Variants in COL25A1 observed in about 807,000 individuals in gnomAD.
COL25A1 encodes collagen alpha-1(XXV) chain.
COL25A1 carries 103 observed loss-of-function variants against 128.4 expected under a neutral mutation model. The ratio of observed to expected loss-of-function variants is 0.80; its 90% CI spans 0.68 to 0.94. COL25A1 has a LOEUF of 0.94. COL25A1 is among the 40% of genes least tolerant of loss of function. The pLI, the probability that COL25A1 is intolerant of heterozygous loss-of-function variation, is 0.00. For synonymous variants in COL25A1, 279 were observed against 277.2 expected (o/e 1.01, Z -0.06); for missense variants, 745 against 840.0 (o/e 0.89, Z 1.40).
intron 24 of COL25A1, among the ~76,000 whole-genome samples, chr4:108,859,033 G>GTGAT (rs1213488729): frequency 1.3e-5 from 2 of 152,028 alleles, no homozygotes; most frequent in African/African-American, 4.8e-5. Context: ...GGAAGCAAAG[G>GTGAT]TGATAGAAAC....
chr4:108,892,985 C>G (rs561702677), intron 16 of COL25A1, among the ~76,000 whole-genome samples: 271 of 152,222 alleles, frequency 1.8e-3, no homozygotes, highest in African/African-American at 6.3e-3. Flanking sequence ...TTAGGGAAGG[C>G]CCGGCACCAA....
intron 3 of COL25A1, among the ~76,000 whole-genome samples, chr4:109,107,423 G>C (rs1479398017): frequency 6.6e-6 from 1 of 152,086 alleles, no homozygotes; most frequent in Non-Finnish European, 1.5e-5. Context: ...TAACAATTTA[G>C]GAGTAATATG....
At chr4:109,259,329 T>C (rs1402353120) in intron 3 of COL25A1, among the ~76,000 whole-genome samples, 1 of 152,228 alleles carries the variant, frequency 6.6e-6, no homozygotes, top group Non-Finnish European at 1.5e-5. Flanking sequence ...TTTTCAACTT[T>C]AAAAGAATCA....
chr4:109,108,757 G>A (rs1266308235), intron 3 of COL25A1, among the ~76,000 whole-genome samples: 2 of 142,430 alleles, frequency 1.4e-5, no homozygotes, highest in African/African-American at 5.5e-5. Context: ...TACTCATTAT[G>A]GTTTTTTATT....
At chr4:108,943,903 C>T (rs1553976965) in intron 8 of COL25A1, among the ~76,000 whole-genome samples, 1 of 151,270 alleles carries the variant, frequency 6.6e-6, no homozygotes, top group Non-Finnish European at 1.5e-5. Flanking sequence ...CCTAGGCTCT[C>T]CCTCTTCCCA....
intron 5 of COL25A1, among the ~76,000 whole-genome samples, chr4:109,028,940 G>A (rs560617268): frequency 3.3e-5 from 5 of 152,012 alleles, no homozygotes; most frequent in African/African-American, 1.2e-4. Flanking sequence ...TCATAATAAA[G>A]GTAACCAGTG....
At chr4:109,059,517 A>G (rs1337004464) in intron 3 of COL25A1, among the ~76,000 whole-genome samples, 2 of 152,230 alleles carry the variant, frequency 1.3e-5, no homozygotes, top group Non-Finnish European at 2.9e-5. Context: ...CTTTGTTTAT[A>G]GGCTTATTTT....
intron 5 of COL25A1, among the ~76,000 whole-genome samples, chr4:109,014,168 G>A (rs556216638): frequency 2.4e-4 from 36 of 152,226 alleles, no homozygotes; most frequent in Admixed American, 8.5e-4. Context: ...TTAGCTGGGC[G>A]TGGTGGCACG....
intron 19 of COL25A1, among the ~76,000 whole-genome samples, chr4:108,873,562 C>T (rs4989260): frequency 0.53 from 77,785 of 145,892 alleles, 21,968 homozygotes; most frequent in East Asian, 0.99. Context: ...GTAGTAGTAG[C>T]AGCAGTAGCA....
At chr4:108,825,098 T>G (rs1578458989) in intron 34 of COL25A1, 98 bp downstream of exon 34, 1 of 933,412 alleles carries the variant, frequency 1.1e-6, no homozygotes, top group East Asian at 2.4e-5. Context: ...TGCATACCTA[T>G]ATGCACAGAA....
chr4:109,227,036 C>A (rs1002030483), intron 3 of COL25A1, among the ~76,000 whole-genome samples: 1 of 152,098 alleles, frequency 6.6e-6, no homozygotes. Context: ...TGATGAATAA[C>A]CTAAGTCTTT....
At chr4:108,999,206 A>AGTCT (rs1579034995) in intron 6 of COL25A1, among the ~76,000 whole-genome samples, 1 of 20,754 alleles carries the variant, frequency 4.8e-5, no homozygotes, top group East Asian at 0.013. Flanking sequence ...AAATCTTTGC[A>AGTCT]ATCTATCCAT....
intron 3 of COL25A1, among the ~76,000 whole-genome samples, chr4:109,177,606 T>C (rs1306653296): frequency 6.6e-6 from 1 of 152,146 alleles, no homozygotes; most frequent in African/African-American, 2.4e-5. Flanking sequence ...CCAAGATGAG[T>C]TCCAGGCCAA....
chr4:108,951,394 T>C (rs1296603096), intron 8 of COL25A1, among the ~76,000 whole-genome samples: 1 of 151,600 alleles, frequency 6.6e-6, no homozygotes, highest in Non-Finnish European at 1.5e-5. Flanking sequence ...TTTTTTCTTT[T>C]TTTTTTTTTT....
At position 109,239,376 on chromosome 4, in the gene COL25A1, ATG is replaced by A. The variant is rs57537875; in HGVS notation, c.367+61205_367+61206del. 9.9e-3 allele frequency among the ~76,000 whole-genome samples: 1,164 copies of A among 117,978 alleles called. 16 individuals are homozygous for A. The highest frequency in any genetic ancestry group is 0.028 in the African/African-American group (811 of 28,812). The allele number at this position is 117,978 out of a possible 152,430, so 77.4% of individuals were successfully genotyped here. A position where few individuals can be genotyped will look rare whatever the true frequency, so the allele number is the denominator to read the frequency against. On this transcript the variant is annotated intron_variant, in intron 3 of 37. Coordinates refer to ENST00000399132, the MANE Select transcript of COL25A1 (RefSeq NM_198721.4). ...GTAGCTCTATTATATATGTGTGTGT[ATG>A]TGTGTGTGTGTGTGTGTATATATAT...
intron 8 of COL25A1, among the ~76,000 whole-genome samples, chr4:108,956,666 A>AT (rs1750108113): frequency 6.6e-6 from 1 of 152,190 alleles, no homozygotes; most frequent in Non-Finnish European, 1.5e-5. Context: ...TTGGCCTCCC[A>AT]AAGTGCTGGG....
At chr4:108,899,322 G>A (rs936275023) in intron 14 of COL25A1, 142 bp from the exon 15 acceptor site, 61 of 601,280 alleles carry the variant, frequency 1.0e-4, no homozygotes, top group Non-Finnish European at 1.5e-4. Flanking sequence ...GTTGCTATAT[G>A]AAAACAAATG....
intron 5 of COL25A1, among the ~76,000 whole-genome samples, chr4:109,044,454 AT>A (rs1489206809): frequency 6.6e-6 from 1 of 151,840 alleles, no homozygotes; most frequent in Non-Finnish European, 1.5e-5. Context: ...GGGCCATCTA[AT>A]TTTTTATTAG....
intron 5 of COL25A1, among the ~76,000 whole-genome samples, chr4:109,043,540 G>A (rs1760131431): frequency 6.6e-6 from 1 of 151,708 alleles, no homozygotes; most frequent in Non-Finnish European, 1.5e-5. Flanking sequence ...TGTCAGTCAA[G>A]CATAATCATA....
Sources: allele counts gnomAD v4.1 joint callset (sites outside exome capture counted in the v4.1 genomes callset), GRCh38; gene constraint gnomAD v4.1.1; transcripts MANE v1.5; gene names NCBI Gene and HGNC (gene_info 2026-07-23, HGNC 2026-07-21).